Variants in ZNF365 observed in about 807,000 individuals in gnomAD.
ZNF365 encodes protein ZNF365.
ZNF365 carries 22 observed loss-of-function variants against 35.0 expected under a neutral mutation model. The observed-to-expected ratio is 0.63, with a 90% CI of 0.45 to 0.90. The LOEUF is 0.90. Among genes scored for constraint, ZNF365 ranks in the 40% least tolerant of loss-of-function variants. ZNF365 has a pLI of 0.00. For missense variants in ZNF365, 448 were observed against 500.3 expected, an observed-to-expected ratio of 0.90 and a Z score of 1.00; for synonymous variants, 188 against 196.2, an observed-to-expected ratio of 0.96 and a Z score of 0.35.
intron 3 of ZNF365, among the ~76,000 whole-genome samples, chr10:62,424,512 G>T (rs1382236101): frequency 6.6e-6 from 1 of 152,118 alleles, no homozygotes; most frequent in Non-Finnish European, 1.5e-5. Context: ...GTTCTCTAGT[G>T]GAAACATTTT....
chr10:62,464,444 G>A (rs1016527708), intron 4 of ZNF365, among the ~76,000 whole-genome samples: 4 of 152,168 alleles, frequency 2.6e-5, no homozygotes, highest in African/African-American at 9.7e-5. Flanking sequence ...TGTTTCTTTT[G>A]CTTACTGTGG....
intron 3 of ZNF365, among the ~76,000 whole-genome samples, chr10:62,390,438 T>C (rs543739175): frequency 6.6e-6 from 1 of 152,370 alleles, no homozygotes; most frequent in South Asian, 2.1e-4. Context: ...CCATTCATTC[T>C]CTCTTTTAAA....
intron 4 of ZNF365, among the ~76,000 whole-genome samples, chr10:62,467,036 C>T (rs1415686526): frequency 1.3e-5 from 2 of 152,100 alleles, no homozygotes; most frequent in Non-Finnish European, 2.9e-5. Flanking sequence ...ACATTTCCTA[C>T]CAAAATTCAG....
At chr10:62,416,131 T>G (rs1324560821) in intron 3 of ZNF365, among the ~76,000 whole-genome samples, 4 of 152,114 alleles carry the variant, frequency 2.6e-5, no homozygotes, top group African/African-American at 9.7e-5. Flanking sequence ...TGCATTCTAT[T>G]TCTTAGATTG....
chr10:62,408,641 A>G (rs1229821293), intron 3 of ZNF365, among the ~76,000 whole-genome samples: 1 of 152,146 alleles, frequency 6.6e-6, no homozygotes, highest in Non-Finnish European at 1.5e-5. Context: ...GGAGACTTAG[A>G]AAAGAGAGTG....
chr10:62,463,640 A>G (rs1348001274), intron 4 of ZNF365, among the ~76,000 whole-genome samples: 1 of 152,254 alleles, frequency 6.6e-6, no homozygotes, highest in African/African-American at 2.4e-5. Context: ...CACAGTAACT[A>G]GAAACTTTAA....
At chr10:62,430,253 G>GTT (rs34778344) in intron 3 of ZNF365, among the ~76,000 whole-genome samples, 4 of 101,900 alleles carry the variant, frequency 3.9e-5, no homozygotes, top group African/African-American at 1.1e-4. Context: ...TTTGGAAAAG[G>GTT]TTTTTTTTTT....
intron 3 of ZNF365, among the ~76,000 whole-genome samples, chr10:62,459,195 G>T (rs1184636912): frequency 6.6e-6 from 1 of 152,218 alleles, no homozygotes; most frequent in Non-Finnish European, 1.5e-5. Context: ...AAGATGCACA[G>T]CATTGAGATA....
chr10:62,449,867 A>G (rs1840650868), intron 3 of ZNF365, among the ~76,000 whole-genome samples: 1 of 151,730 alleles, frequency 6.6e-6, no homozygotes, highest in African/African-American at 2.4e-5. Flanking sequence ...TTGAACAATA[A>G]ATCTTGACTG....
chr10:62,391,128 T>G (rs1280142776), intron 3 of ZNF365, among the ~76,000 whole-genome samples: 2 of 152,240 alleles, frequency 1.3e-5, no homozygotes, highest in African/African-American at 2.4e-5. Context: ...TTATAGACTT[T>G]TAAATTATTT....
At chr10:62,384,726 T>G (rs779219160) in intron 2 of ZNF365, among the ~76,000 whole-genome samples, 1 of 152,192 alleles carries the variant, frequency 6.6e-6, no homozygotes, top group Non-Finnish European at 1.5e-5. Flanking sequence ...AATGTGACAG[T>G]TGGTAGTTTC....
Position 62,393,617 on chromosome 10 carries a change from C to T in ZNF365, c.924+5041C>T, listed in dbSNP as rs139152944. Among the ~76,000 whole-genome samples the T allele has an allele frequency of 2.9e-3, 448 of 152,316 alleles. 3 individuals carry two copies. The highest frequency in any genetic ancestry group is 3.6e-3 in the Non-Finnish European group (242 of 68,032). On this transcript the variant is annotated intron_variant, in intron 3 of 4. Transcript: ENST00000395254. ...ATATACATGTACATGCATGCATATA[C>T]ACACATAAATACATGCACAAAAATG...
intron 3 of ZNF365, among the ~76,000 whole-genome samples, chr10:62,454,819 G>T (rs978497785): frequency 1.1e-4 from 16 of 152,226 alleles, no homozygotes; most frequent in Non-Finnish European, 1.8e-4. Flanking sequence ...GCATACTTGA[G>T]GGTGAGTCTG....
At chr10:62,393,514 A>G (rs1311447947) in intron 3 of ZNF365, among the ~76,000 whole-genome samples, 1 of 152,218 alleles carries the variant, frequency 6.6e-6, no homozygotes, top group Non-Finnish European at 1.5e-5. Flanking sequence ...ACACCCTCGT[A>G]TATGCAGTCT....
chr10:62,408,083 G>A (rs1328363757), intron 3 of ZNF365, among the ~76,000 whole-genome samples: 2 of 152,108 alleles, frequency 1.3e-5, no homozygotes, highest in African/African-American at 2.4e-5. Flanking sequence ...AGTTGAAAGG[G>A]CACTGATCTT....
downstream of ZNF365, among the ~76,000 whole-genome samples, chr10:62,404,763 A>G (rs969322580): frequency 1.1e-4 from 17 of 152,092 alleles, no homozygotes; most frequent in African/African-American, 2.4e-5. Context: ...TAGTCTTGGG[A>G]TTCTATTGTT....
chr10:62,414,036 C>G (rs750987780), intron 3 of ZNF365, among the ~76,000 whole-genome samples: 42 of 152,144 alleles, frequency 2.8e-4, no homozygotes, highest in Non-Finnish European at 3.8e-4. Flanking sequence ...CTAAAACTTA[C>G]AGTGTTTCTC....
intron 3 of ZNF365, among the ~76,000 whole-genome samples, chr10:62,428,901 A>G (rs1344931573): frequency 6.6e-6 from 1 of 152,188 alleles, no homozygotes; most frequent in East Asian, 1.9e-4. Flanking sequence ...AGACTGATTT[A>G]TAGCATTTAC....
At chr10:62,470,259 G>T (rs1348942102) in intron 4 of ZNF365, among the ~76,000 whole-genome samples, 1 of 152,218 alleles carries the variant, frequency 6.6e-6, no homozygotes, top group African/African-American at 2.4e-5. Context: ...GGGCAACTGA[G>T]GCCCCATTCC....
Sources: allele counts gnomAD v4.1 joint callset (sites outside exome capture counted in the v4.1 genomes callset), GRCh38; gene constraint gnomAD v4.1.1; transcripts MANE v1.5; gene names NCBI Gene and HGNC (gene_info 2026-07-23, HGNC 2026-07-21).